PLCL2: variants seen among roughly 807,000 people sequenced by gnomAD.
PLCL2 encodes phospholipase C like 2, also known as inactive phospholipase C-like protein 2.
Under a neutral mutation model 79.6 loss-of-function variants are expected in PLCL2, and 4 were observed. The observed-to-expected ratio is 0.05, with a 90% CI of 0.02 to 0.11. The LOEUF (loss-of-function observed/expected upper bound fraction) is 0.11, where lower values mean the gene tolerates loss of function less well. Among genes scored for constraint, PLCL2 ranks in the 10% least tolerant of loss-of-function variants. PLCL2 has a pLI of 1.00. For missense variants in PLCL2, 895 were observed against 1,291.0 expected, an observed-to-expected ratio of 0.69 and a Z score of 4.70; for synonymous variants, 484 against 457.7, an observed-to-expected ratio of 1.06 and a Z score of -0.73.
At chr3:17,049,985 A>T (rs2064822865) in intron 4 of PLCL2, among the ~76,000 whole-genome samples, 1 of 152,326 alleles carries the variant, frequency 6.6e-6, no homozygotes, top group South Asian at 2.1e-4. Context: ...AAAAGCAGAC[A>T]CATAGACCAA....
chr3:17,011,393 G>A lies in PLCL2; in HGVS notation c.2047G>A (p.Asp683Asn). ...GGTTTTTCCCAGTCCAATGAGAATT[G>A]ATTCCAGTAACATGAATCCTCAAGA... ...ARVFPSPMRI[D>N]SSNMNPQDFW... The change falls in exon 2 of 6, where the codon GAT (aspartate) becomes AAT (asparagine). Residue 683 changes from aspartate (D) to asparagine (N), a missense_variant. Physicochemically the swap from Asp to Asn is conservative, Grantham distance 23. Transcript: ENST00000615277. The surrounding 1 kb of genome is among the most constrained non-coding windows in gnomAD (Gnocchi z 7.9). 1 of 1,614,134 alleles carries A rather than the reference G, an allele frequency of 6.2e-7. No homozygotes were observed. The highest frequency in any genetic ancestry group is 1.1e-5 in the South Asian group (1 of 91,068).
chr3:16,967,800 C>T (rs773712353), intron 1 of PLCL2, among the ~76,000 whole-genome samples: 34 of 152,022 alleles, frequency 2.2e-4, no homozygotes, highest in Admixed American at 3.3e-4. Flanking sequence ...TTTTTTGTTG[C>T]AATTGCTTTT....
rs1292525019 is a variant in PLCL2, at chr3:16,894,790, AAGTC to A, written c.327+9427_327+9430del. On this transcript the variant is annotated intron_variant, in intron 1 of 5. Transcript: ENST00000615277. The stretch of plus-strand genomic sequence containing the variant: ...TGTTCAAGTCTTTTGCCCATTTAAA[AAGTC>A]AGGTTGTTTTTATTTTNAAAAAAAT... 2.0e-5 allele frequency among the ~76,000 whole-genome samples: 3 copies of A among 152,144 alleles called. No individual in the cohort carries two copies. The East Asian group carries it at 5.8e-4, about 29-fold the overall frequency.
At chr3:16,929,849 T>C (rs1697352445) in intron 1 of PLCL2, among the ~76,000 whole-genome samples, 1 of 152,248 alleles carries the variant, frequency 6.6e-6, no homozygotes, top group Admixed American at 6.5e-5. Flanking sequence ...GCATGCATTT[T>C]GATACTGTGC....
intron 1 of PLCL2, among the ~76,000 whole-genome samples, chr3:16,949,926 A>G (rs948067734): frequency 6.6e-6 from 1 of 152,192 alleles, no homozygotes; most frequent in Non-Finnish European, 1.5e-5. Flanking sequence ...ATCATTTGGA[A>G]TGCCACCTTT....
At chr3:17,029,036 G>C (rs1030315595) in intron 3 of PLCL2, among the ~76,000 whole-genome samples, 2 of 152,246 alleles carry the variant, frequency 1.3e-5, no homozygotes, top group Admixed American at 6.5e-5. Context: ...CGGGGAAGGG[G>C]GCGCAGAGGG....
At chr3:17,068,302 G>GA (rs2065029650) in intron 5 of PLCL2, among the ~76,000 whole-genome samples, 1 of 152,200 alleles carries the variant, frequency 6.6e-6, no homozygotes. Context: ...AGTCCTGATA[G>GA]ACAAAGGACT....
At chr3:17,000,391 T>C (rs2064196702) in intron 1 of PLCL2, among the ~76,000 whole-genome samples, 1 of 151,508 alleles carries the variant, frequency 6.6e-6, no homozygotes, top group South Asian at 2.1e-4. Flanking sequence ...TGTAAAATGA[T>C]CAAATCAGGG....
rs189609706 is a variant in PLCL2, at chr3:17,007,427, A to C, written c.328-2247A>C. Among the ~76,000 whole-genome samples, 181 of 152,352 alleles carry C rather than the reference A, an allele frequency of 1.2e-3. 3 individuals are homozygous for C. The highest frequency in any genetic ancestry group is 4.2e-3 in the African/African-American group (174 of 41,588). ...ATGTAATACAATCTATGCTTTAGGG[A>C]TTTGAAATGGCTTTAATATAATGTA... On this transcript the variant is annotated intron_variant, in intron 1 of 5. Transcript: ENST00000615277.
chr3:16,922,746 T>C (rs1043462838), intron 1 of PLCL2, among the ~76,000 whole-genome samples: 3 of 146,686 alleles, frequency 2.0e-5, no homozygotes, highest in African/African-American at 7.3e-5. Context: ...AGAAAAAATA[T>C]ATTAAGAAAA....
chr3:16,970,413 A>C (rs1349435726), intron 1 of PLCL2, among the ~76,000 whole-genome samples: 5 of 150,288 alleles, frequency 3.3e-5, no homozygotes, highest in Non-Finnish European at 7.4e-5. Context: ...ATGGCTGCAT[A>C]GTATTCCATG....
At chr3:17,005,816 A>T (rs968009118) in intron 1 of PLCL2, among the ~76,000 whole-genome samples, 2 of 152,134 alleles carry the variant, frequency 1.3e-5, no homozygotes, top group Admixed American at 1.3e-4. Context: ...CAGTCCGGAC[A>T]TTGTTTGTGT....
intron 1 of PLCL2, among the ~76,000 whole-genome samples, chr3:16,966,756 G>A (rs1057189385): frequency 5.9e-5 from 9 of 152,050 alleles, no homozygotes; most frequent in African/African-American, 2.2e-4. Context: ...GAGGGTGTAT[G>A]TGTCCAGGAA....
chr3:16,984,215 T>C (rs1016708216), intron 1 of PLCL2, among the ~76,000 whole-genome samples: 2 of 152,278 alleles, frequency 1.3e-5, no homozygotes, highest in South Asian at 2.1e-4. Context: ...CAGAGCTAAT[T>C]TGGTTTTTTA....
At position 16,916,227 on chromosome 3, in the gene PLCL2, C is replaced by A. The variant is rs191487025; in HGVS notation, c.327+30861C>A. On this transcript the variant is annotated intron_variant, in intron 1 of 5. Transcript: ENST00000615277. The stretch of plus-strand genomic sequence containing the variant: ...GAATGTGAAATATAAGACTATTCAG[C>A]CCCTTAAAACAATGACTATCCAAAT... Among the ~76,000 whole-genome samples, 126 of 152,232 alleles carry A rather than the reference C, an allele frequency of 8.3e-4. 2 individuals carry two copies. Among genetic ancestry groups the A allele is most frequent in the Admixed American group, 8.1e-3 (123 of 15,274 alleles).
At chr3:17,042,852 T>C (rs1575601221) in intron 3 of PLCL2, 22 bp from the exon 4 acceptor site, 1 of 1,566,088 alleles carries the variant, frequency 6.4e-7, no homozygotes, top group Non-Finnish European at 8.8e-7. Flanking sequence ...TGTAATCTCA[T>C]GTCTGGATGT....
At chr3:16,955,870 A>G (rs1229620720) in intron 1 of PLCL2, among the ~76,000 whole-genome samples, 1 of 152,160 alleles carries the variant, frequency 6.6e-6, no homozygotes, top group Non-Finnish European at 1.5e-5. Flanking sequence ...ATTTTTGCAC[A>G]TTGATTTTGT....
intron 1 of PLCL2, among the ~76,000 whole-genome samples, chr3:16,957,219 G>C (rs2124965317): frequency 6.6e-6 from 1 of 152,030 alleles, no homozygotes; most frequent in Non-Finnish European, 1.5e-5. Context: ...AGAGATTCTG[G>C]TATGTTGTGT....
chr3:16,994,698 G>A (rs1292666907), intron 1 of PLCL2, among the ~76,000 whole-genome samples: 2 of 152,174 alleles, frequency 1.3e-5, no homozygotes, highest in Non-Finnish European at 2.9e-5. Context: ...TACAAGTGGT[G>A]CTCTTTGAGT....
Sources: allele counts gnomAD v4.1 joint callset (sites outside exome capture counted in the v4.1 genomes callset), GRCh38; gene constraint gnomAD v4.1.1; non-coding constraint Gnocchi (gnomAD v3.1); transcripts MANE v1.5; gene names NCBI Gene and HGNC (gene_info 2026-07-23, HGNC 2026-07-21).